PTCD3: variants seen among roughly 807,000 people sequenced by gnomAD.
PTCD3 encodes the protein pentatricopeptide repeat domain 3, also known as small ribosomal subunit protein mS39.
In PTCD3, 89 loss-of-function variants were observed where a neutral mutation model predicts 101.9. That is an observed-to-expected ratio of 0.87 (90% CI 0.74 to 1.04). The LOEUF (loss-of-function observed/expected upper bound fraction) is 1.04, where lower values mean the gene tolerates loss of function less well. Ranked by LOEUF, PTCD3 falls within the 50% of genes least tolerant of loss-of-function variation. The probability of loss-of-function intolerance (pLI) is 0.00; values close to 1 mark genes in which losing one functional copy is unlikely to be tolerated. For synonymous variants in PTCD3, 296 were observed against 278.5 expected, an observed-to-expected ratio of 1.06 and a Z score of -0.63; for missense variants, 870 against 828.2, an observed-to-expected ratio of 1.05 and a Z score of -0.62.
intron 12 of PTCD3, among the ~76,000 whole-genome samples, chr2:86,126,494 G>A (rs919603129): frequency 6.6e-6 from 1 of 152,020 alleles, no homozygotes; most frequent in Admixed American, 6.6e-5. Context: ...CCTATCAGGT[G>A]TAATTTCAAA....
intron 4 of PTCD3, among the ~76,000 whole-genome samples, chr2:86,115,178 G>A (rs1166261631): frequency 2.6e-5 from 4 of 152,230 alleles, no homozygotes; most frequent in Non-Finnish European, 1.5e-5. Flanking sequence ...TGGCAGCCAA[G>A]GGCCAGCCTT....
In PTCD3 at chr2:86,127,297, T is replaced by C. The variant is rs149290208; in HGVS notation, c.1088T>C (p.Ile363Thr). The C allele has an allele frequency of 3.6e-5, 58 of 1,613,896 alleles. No individual in the cohort carries two copies. Among genetic ancestry groups the C allele is most frequent in the African/African-American group, 1.9e-4 (14 of 75,038 alleles). The change falls in exon 13 of 24, where the codon ATT becomes ACT. Residue 363 changes from isoleucine to threonine, a missense_variant. Transcript: ENST00000254630. ...CAGGTTTTACGTGAAATGAAAGCCA[T>C]TGGAATAGGTGAGGATGCGCCCTTG... ...ALQVLREMKA[I>T]GIEPSLATYH... is the part of the protein sequence containing the mutation.
intron 3 of PTCD3, among the ~76,000 whole-genome samples, chr2:86,109,373 C>T (rs376257179): frequency 6.7e-6 from 1 of 150,224 alleles, no homozygotes. Context: ...CGCCACTGCA[C>T]TCCAGCCTGG....
intron 3 of PTCD3, among the ~76,000 whole-genome samples, chr2:86,110,130 T>C (rs1468246540): frequency 6.6e-6 from 1 of 152,234 alleles, no homozygotes; most frequent in Non-Finnish European, 1.5e-5. Context: ...ATTTTTTCAC[T>C]GCCATTTGTT....
At chr2:86,134,254 A>C (rs1377201584) in intron 19 of PTCD3, 38 bp from the exon 20 acceptor site, 2 of 1,462,332 alleles carry the variant, frequency 1.4e-6, no homozygotes, top group African/African-American at 1.4e-5. Context: ...TTGGTTTTAC[A>C]TAACAATGAT....
intron 1 of PTCD3, among the ~76,000 whole-genome samples, chr2:86,106,896 G>A (rs1399176714): frequency 6.6e-6 from 1 of 152,082 alleles, no homozygotes; most frequent in Non-Finnish European, 1.5e-5. Context: ...TTTTCACTCA[G>A]TACAAACAGT....
At chr2:86,137,427 A>G (rs1433028923) in intron 23 of PTCD3, 42 bp from the exon 24 acceptor site, 1 of 1,611,834 alleles carries the variant, frequency 6.2e-7, no homozygotes, top group Non-Finnish European at 8.5e-7. Flanking sequence ...CCCAGCACCC[A>G]GTTGAATTGC....
Position 86,125,475 on chromosome 2 carries a change from A to G in PTCD3, c.825A>G (p.Ala275=), listed in dbSNP as rs1214271319. ...TCCAGCACCGAGCTTATGAGCAGGC[A>G]TTAAACTTGTACACTGAGTTACTAA... ...GMVKHRAYEQ[A]LNLYTELLNN... is the part of the protein sequence containing the mutation. The change falls in exon 11 of 24, where the codon GCA becomes GCG. Residue 275 remains alanine (A), a synonymous_variant. Coordinates refer to ENST00000254630, the MANE Select transcript of PTCD3 (RefSeq NM_017952.6). 6.2e-7 allele frequency: 1 copy of G among 1,613,302 alleles called. No homozygotes were observed. The highest frequency in any genetic ancestry group is 1.3e-5 in the African/African-American group (1 of 74,908).
chr2:86,108,195 C>T lies in PTCD3; in HGVS notation c.105-155C>T, dbSNP rs1276736084. On this transcript the variant is annotated intron_variant, in intron 1 of 23. Transcript: ENST00000254630. Reference sequence around the variant, plus strand: ...GTATCCATTCCTTAATGATATTGAACATGTGTACAGACTGTCTTCTCAGCG... The same window carrying T: ...GTATCCATTCCTTAATGATATTGAATATGTGTACAGACTGTCTTCTCAGCG... 7 of 684,262 alleles carry T rather than the reference C, an allele frequency of 1.0e-5. 1 individual carries two copies. In the South Asian group the frequency reaches 1.2e-4, roughly 11 times the overall value. The allele number at this position is 684,262 out of a possible 1,614,324, so 42.4% of individuals were successfully genotyped here.
In PTCD3 at chr2:86,137,107, T is replaced by C. The variant is rs1674600451; in HGVS notation, c.1946T>C (p.Val649Ala). The C allele has an allele frequency of 9.4e-6, 15 of 1,595,500 alleles. No homozygotes were observed. The highest frequency in any genetic ancestry group is 1.3e-5 in the Non-Finnish European group (15 of 1,172,454). ...LPICEGLTQRVMSDFAINQEQ... is the reference protein window; with the variant it reads ...LPICEGLTQRAMSDFAINQEQ... Reference sequence around the variant, plus strand: ...ATTTGTGAGGGCCTCACCCAGAGAGTAATGAGTGATTTTGCAATCAACCAG... The same window carrying C: ...ATTTGTGAGGGCCTCACCCAGAGAGCAATGAGTGATTTTGCAATCAACCAG... Residue 649 changes from valine to alanine, a missense_variant, in exon 23 of 24, where the codon GTA becomes GCA. Transcript: ENST00000254630.
At chr2:86,134,420 G>A in intron 20 of PTCD3, 43 bp downstream of exon 20, 1 of 1,501,486 alleles carries the variant, frequency 6.7e-7, no homozygotes, top group Non-Finnish European at 9.3e-7. Flanking sequence ...CCCATACTGA[G>A]GTCTTCTTAA....
At chr2:86,136,907 C>CT (rs1318057728) in intron 22 of PTCD3, 75 bp from the exon 23 acceptor site, 4 of 1,542,412 alleles carry the variant, frequency 2.6e-6, no homozygotes, top group Non-Finnish European at 3.5e-6. Context: ...TGTTACTGAA[C>CT]TTACACTGGA....
chr2:86,108,259 T>C (rs1674002010), intron 1 of PTCD3, 91 bp from the exon 2 acceptor site: 2 of 1,405,686 alleles, frequency 1.4e-6, no homozygotes, highest in East Asian at 4.6e-5. Flanking sequence ...CCGTGATAAT[T>C]GGAGAATTTG....
At chr2:86,130,587 A>G in intron 14 of PTCD3, 61 bp from the exon 15 acceptor site, 2 of 1,573,736 alleles carry the variant, frequency 1.3e-6, no homozygotes, top group East Asian at 2.3e-5. Flanking sequence ...TGTATTAGGT[A>G]CAGTGAGTTT....
rs780184765 is a variant in PTCD3 at position 86,125,034 on chromosome 2, A to G, written c.756A>G (p.Pro252=). 7.4e-6 allele frequency: 12 copies of G among 1,614,134 alleles called. No homozygotes were observed. The highest frequency in any genetic ancestry group is 1.0e-5 in the Non-Finnish European group (12 of 1,180,030). ...NNAERIFSLM[P]EKNEHSYCTM... is the part of the protein sequence containing the mutation. ...CTGAGAGAATCTTTTCTCTAATGCCAGAGAAAAATGAACATTCCTATTGCA... is the reference window on the plus strand; with the variant it reads ...CTGAGAGAATCTTTTCTCTAATGCCGGAGAAAAATGAACATTCCTATTGCA... The change falls in exon 10 of 24, where the codon CCA becomes CCG. Residue 252 remains proline, a synonymous_variant. Coordinates refer to ENST00000254630, the MANE Select transcript of PTCD3 (RefSeq NM_017952.6).
rs1430861841 is a variant in PTCD3 at position 86,141,293 on chromosome 2, TG to T, written c.*3737del. Reference sequence around the variant, plus strand: ...CCCTGCCAACCTCTGGATACATCAATGGGAAGGAAACCAGGGAAGCATAGAC... The same window carrying T: ...CCCTGCCAACCTCTGGATACATCAATGGAAGGAAACCAGGGAAGCATAGAC... On this transcript the variant is annotated 3_prime_UTR_variant, in exon 24 of 24. Coordinates refer to ENST00000254630, the MANE Select transcript of PTCD3 (RefSeq NM_017952.6). 2 of 152,170 alleles carry T rather than the reference TG, an allele frequency of 1.3e-5. No individual in the cohort carries two copies. The highest frequency in any genetic ancestry group is 2.9e-5 in the Non-Finnish European group (2 of 68,046). The allele number at this position is 152,170 out of a possible 1,614,324, so 9.4% of individuals were successfully genotyped here.
chr2:86,129,227 C>A (rs1674452959), intron 14 of PTCD3, among the ~76,000 whole-genome samples: 1 of 152,172 alleles, frequency 6.6e-6, no homozygotes, highest in Non-Finnish European at 1.5e-5. Context: ...ATATTCCTTT[C>A]CTCTGTAACT....
intron 1 of PTCD3, among the ~76,000 whole-genome samples, chr2:86,107,748 G>A (rs937949304): frequency 6.6e-6 from 1 of 152,164 alleles, no homozygotes. Flanking sequence ...GAAGCCATGG[G>A]TCATCTTCCC....
intron 7 of PTCD3, among the ~76,000 whole-genome samples, chr2:86,120,858 C>T (rs1674266502): frequency 6.6e-6 from 1 of 152,212 alleles, no homozygotes; most frequent in Non-Finnish European, 1.5e-5. Context: ...TGTCCTTGCA[C>T]TCCAGCCTGG....
Sources: gnomAD v4.1 joint callset for allele counts (sites outside exome capture counted in the v4.1 genomes callset) on GRCh38, gnomAD v4.1.1 for gene constraint, MANE v1.5 for transcripts, NCBI Gene and HGNC (gene_info 2026-07-23, HGNC 2026-07-21) for gene names.